Variants in XYLB observed in about 807,000 individuals in gnomAD.
The protein encoded by XYLB is xylulose kinase.
Under a neutral mutation model 78.7 loss-of-function variants are expected in XYLB, and 62 were observed. That is an observed-to-expected ratio of 0.79 (90% CI 0.64 to 0.97). XYLB has a LOEUF of 0.97. Among genes scored for constraint, XYLB ranks in the 50% least tolerant of loss-of-function variants. The pLI is 0.00. For synonymous variants in XYLB, 245 were observed against 247.4 expected (o/e 0.99, Z 0.09); for missense variants, 687 against 676.8 (o/e 1.02, Z -0.17).
chr3:38,361,547 C>T (rs889952849), intron 3 of XYLB, among the ~76,000 whole-genome samples: 3 of 152,120 alleles, frequency 2.0e-5, no homozygotes, highest in Non-Finnish European at 4.4e-5. Context: ...CTGAGCCAGA[C>T]CAAGGGGCAG....
the XYLB span, among the ~76,000 whole-genome samples, chr3:38,428,441 G>A: frequency 2.9e-4 from 44 of 152,122 alleles, no homozygotes; most frequent in Non-Finnish European, 6.0e-4. Context: ...CCATAATTGT[G>A]TATTTCTTCA....
At chr3:38,404,337 T>C (rs1288238876) in intron 18 of XYLB, among the ~76,000 whole-genome samples, 1 of 152,236 alleles carries the variant, frequency 6.6e-6, no homozygotes, top group Non-Finnish European at 1.5e-5. Context: ...CACCCTCATT[T>C]GGAAGAGCAA....
exon 18 of XYLB, among the ~76,000 whole-genome samples, chr3:38,420,384 G>A (rs558875114): frequency 1.2e-4 from 18 of 152,292 alleles, no homozygotes; most frequent in Admixed American, 9.1e-4. Context: ...TGATCTTAGC[G>A]GACAGCATTT....
intron 2 of XYLB, among the ~76,000 whole-genome samples, chr3:38,354,375 T>C (rs1705530475): frequency 6.6e-6 from 1 of 151,052 alleles, no homozygotes; most frequent in Non-Finnish European, 1.5e-5. Context: ...GCCTGTAATA[T>C]GTTTTAATAT....
intron 15 of XYLB, among the ~76,000 whole-genome samples, chr3:38,380,699 T>G (rs1276541162): frequency 6.6e-6 from 1 of 152,178 alleles, no homozygotes; most frequent in African/African-American, 2.4e-5. Flanking sequence ...ACAACAGGAA[T>G]TTTTGCATGT....
intron 7 of XYLB, 57 bp from the exon 8 acceptor site, chr3:38,368,128 T>C: frequency 3.2e-6 from 5 of 1,541,784 alleles, no homozygotes; most frequent in Non-Finnish European, 4.5e-6. Context: ...TCAGAAGCAT[T>C]CAGTAGCGTA....
intron 3 of XYLB, among the ~76,000 whole-genome samples, chr3:38,361,687 A>T (rs818842): frequency 2.0e-5 from 3 of 152,134 alleles, no homozygotes; most frequent in Admixed American, 6.5e-5. Flanking sequence ...GCTTGGGGGC[A>T]GGGCCAAGGT....
intron 18 of XYLB, among the ~76,000 whole-genome samples, chr3:38,403,502 T>A (rs1467100233): frequency 6.6e-6 from 1 of 152,128 alleles, no homozygotes; most frequent in Non-Finnish European, 1.5e-5. Context: ...AAACATCATG[T>A]CTTCACAGCT....
downstream of XYLB, among the ~76,000 whole-genome samples, chr3:38,419,603 T>TATATATATATAAAA (rs71085322): frequency 1.2e-5 from 1 of 80,888 alleles, no homozygotes; most frequent in East Asian, 3.4e-4. Flanking sequence ...TATATATATA[T>TATATATATATAAAA]AATAGCCATC....
chr3:38,414,256 A>G lies in XYLB; in HGVS notation c.*1243A>G, dbSNP rs1424794231. The G allele has an allele frequency of 6.6e-6, 1 of 152,252 alleles. No individual in the cohort carries two copies. The highest frequency in any genetic ancestry group is 2.4e-5 in the African/African-American group (1 of 41,452). 9.4% of individuals were successfully genotyped at this position (152,252 alleles called of 1,614,324 possible). On this transcript the variant is annotated 3_prime_UTR_variant, in exon 19 of 19. Coordinates refer to ENST00000207870, the MANE Select transcript of XYLB (RefSeq NM_005108.4). ...GGGAAGTTAAAAGGAAGGGGCTTAG[A>G]AAATGAATGGGACCAAAGGCATCAC... is the stretch of plus-strand genomic sequence containing the variant.
At chr3:38,442,009 C>T in the XYLB span, among the ~76,000 whole-genome samples, 3 of 152,164 alleles carry the variant, frequency 2.0e-5, no homozygotes, top group Non-Finnish European at 4.4e-5. Context: ...TGAGTATTTG[C>T]CCTCTGGGTC....
chr3:38,412,414 G>T (rs1356114858), intron 18 of XYLB, among the ~76,000 whole-genome samples: 1 of 152,156 alleles, frequency 6.6e-6, no homozygotes, highest in Non-Finnish European at 1.5e-5. Context: ...AGCACCTCCT[G>T]CCACTGTGTT....
chr3:38,447,470 AT>A, the XYLB span, among the ~76,000 whole-genome samples: 11,525 of 124,166 alleles, frequency 0.093, 590 homozygotes, highest in African/African-American at 0.23. Context: ...CATCTGGCTA[AT>A]TTTTTTTTTT....
intron 2 of XYLB, among the ~76,000 whole-genome samples, chr3:38,354,504 ATT>A (rs547784678): frequency 7.2e-5 from 10 of 138,868 alleles, no homozygotes; most frequent in Non-Finnish European, 9.4e-5. Context: ...CAAATTGTTA[ATT>A]TTTTTTTTTT....
At chr3:38,419,197 A>G (rs1708894238), downstream of XYLB, among the ~76,000 whole-genome samples, 1 of 152,058 alleles carries the variant, frequency 6.6e-6, no homozygotes, top group South Asian at 2.1e-4. Flanking sequence ...TAAATTTTGC[A>G]TGTGTAAAAT....
At chr3:38,361,330 T>C (rs1705959328) in intron 3 of XYLB, among the ~76,000 whole-genome samples, 1 of 151,100 alleles carries the variant, frequency 6.6e-6, no homozygotes, top group African/African-American at 2.5e-5. Context: ...TCCCTGAAAC[T>C]GGAGGCCAGC....
intron 18 of XYLB, among the ~76,000 whole-genome samples, chr3:38,409,690 C>G (rs932216255): frequency 6.6e-6 from 1 of 152,202 alleles, no homozygotes; most frequent in East Asian, 1.9e-4. Flanking sequence ...TCAGCAAAGT[C>G]TCAGGATACA....
At chr3:38,419,607 A>G (rs1708914674), downstream of XYLB, among the ~76,000 whole-genome samples, 1 of 57,068 alleles carries the variant, frequency 1.8e-5, no homozygotes, top group Non-Finnish European at 4.2e-5. Context: ...TATATATAAT[A>G]GCCATCGTTA....
At position 38,374,484 on chromosome 3, in the gene XYLB, G is replaced by T. The variant is rs1375502410; in HGVS notation, c.870G>T (p.Leu290=). ...DNPASLAGMR[L]EEGDIAVSLG... ...CAGCGTCGCTGGCAGGCATGAGACT[G>T]GAGGAAGGTGACATTGCGGTAAGGC... is the stretch of plus-strand genomic sequence containing the variant. Residue 290 remains leucine (L), a synonymous_variant, in exon 11 of 19, where the codon CTG becomes CTT. Coordinates refer to ENST00000207870, the MANE Select transcript of XYLB (RefSeq NM_005108.4). 1 of 1,614,024 alleles carries T rather than the reference G, an allele frequency of 6.2e-7. No individual in the cohort carries two copies. Among genetic ancestry groups the T allele is most frequent in the South Asian group, 1.1e-5 (1 of 91,078 alleles).
Sources: gnomAD v4.1 joint callset for allele counts (sites outside exome capture counted in the v4.1 genomes callset) on GRCh38, gnomAD v4.1.1 for gene constraint, MANE v1.5 for transcripts, NCBI Gene and HGNC (gene_info 2026-07-23, HGNC 2026-07-21) for gene names.